ZBTB21: variants seen among roughly 807,000 people sequenced by gnomAD.
ZBTB21 encodes zinc finger and BTB domain containing 21.
Under a neutral mutation model 39.8 loss-of-function variants are expected in ZBTB21, and 10 were observed. That is an observed-to-expected ratio of 0.25 (90% CI 0.16 to 0.43). The LOEUF is 0.43. Ranked by LOEUF, ZBTB21 falls within the 20% of genes least tolerant of loss-of-function variation. ZBTB21 has a pLI of 1.00. For missense variants in ZBTB21, 1,221 were observed against 1,296.3 expected (o/e 0.94, Z 0.89); for synonymous variants, 551 against 498.8 (o/e 1.10, Z -1.40).
chr21:41,997,900 C>T (rs1269405937), intron 2 of ZBTB21, among the ~76,000 whole-genome samples: 1 of 151,974 alleles, frequency 6.6e-6, no homozygotes, highest in African/African-American at 2.4e-5. Context: ...TTGGGTGTTT[C>T]TGTTAGCCTC....
intron 1 of ZBTB21, among the ~76,000 whole-genome samples, chr21:42,008,823 C>T (rs141638360): frequency 8.5e-5 from 13 of 152,192 alleles, no homozygotes; most frequent in Non-Finnish European, 1.8e-4. Context: ...TAAACCAGCA[C>T]TTCAAATTTT....
At position 41,990,853 on chromosome 21, in the gene ZBTB21, A is replaced by G; in HGVS notation, c.*42T>C. 1.4e-6 allele frequency: 2 copies of G among 1,401,122 alleles called. No individual in the cohort carries two copies. Among genetic ancestry groups the G allele is most frequent in the East Asian group, 2.6e-5 (1 of 39,136 alleles). The allele number at this position is 1,401,122 out of a possible 1,614,324, so 86.8% of individuals were successfully genotyped here. ...ATGACACATTTCACAATTCAGGTTGAAATCTGGGGACTGCCTCCCATAGGT... is the reference window on the plus strand; with the variant it reads ...ATGACACATTTCACAATTCAGGTTGGAATCTGGGGACTGCCTCCCATAGGT... On this transcript the variant is annotated 3_prime_UTR_variant, in exon 3 of 3. Transcript: ENST00000310826.
In ZBTB21 at chr21:41,992,965, C is replaced by T; in HGVS notation, c.1131G>A (p.Leu377=). Residue 377 remains leucine, a synonymous_variant, in exon 3 of 3, where the codon TTG becomes TTA. Coordinates refer to ENST00000310826, the MANE Select transcript of ZBTB21 (RefSeq NM_001098402.2). This position sits in a 1 kb window ranked among gnomAD's most constrained non-coding sequence, Gnocchi z 4.1. ...AAGATGACTTCTGAGATAAAGCACA[C>T]AACACATTCCCTGGTGCATCACTGG... ...SVSSDAPGNV[L]CALSQKSSLK... is the part of the protein sequence containing the mutation. 6.2e-7 allele frequency: 1 copy of T among 1,614,196 alleles called. No homozygotes were observed. Among genetic ancestry groups the T allele is most frequent in the Non-Finnish European group, 8.5e-7 (1 of 1,180,036 alleles).
At chr21:42,007,784 C>G (rs2065898239) in intron 1 of ZBTB21, 1 of 152,242 alleles carries the variant, frequency 6.6e-6, no homozygotes, top group Admixed American at 6.5e-5. Context: ...AGAGAGAAAT[C>G]ATCAAACTTG....
intron 2 of ZBTB21, among the ~76,000 whole-genome samples, chr21:41,995,863 C>T (rs918507719): frequency 1.1e-4 from 16 of 152,214 alleles, no homozygotes; most frequent in Non-Finnish European, 2.4e-4. Context: ...CTGAAAGGGG[C>T]CAAGGTACAG....
At chr21:42,001,921 G>A (rs1436561157) in intron 2 of ZBTB21, among the ~76,000 whole-genome samples, 1 of 152,222 alleles carries the variant, frequency 6.6e-6, no homozygotes, top group Non-Finnish European at 1.5e-5. Context: ...CTGGGCTGCA[G>A]TACATGCAAC....
In ZBTB21 at chr21:41,991,042, C is replaced by T; in HGVS notation, c.3054G>A (p.Leu1018=). The T allele has an allele frequency of 6.3e-7, 1 of 1,586,058 alleles. No homozygotes were observed. The highest frequency in any genetic ancestry group is 8.6e-7 in the Non-Finnish European group (1 of 1,167,158). ...GGGTGTCTGATTCTTGGGGCACAAA[C>T]AGTTTTTCTGTGGCTGGAGTTGGGT... ...SENPTPATEK[L]FVPQESDTLF... is the part of the protein sequence containing the mutation. Residue 1018 remains leucine, a synonymous_variant, in exon 3 of 3, where the codon CTG becomes CTA. Transcript: ENST00000310826. The surrounding 1 kb of genome is among the most constrained non-coding windows in gnomAD (Gnocchi z 4.9).
At chr21:42,009,868 G>C (rs573456729) in intron 1 of ZBTB21, among the ~76,000 whole-genome samples, 1 of 152,154 alleles carries the variant, frequency 6.6e-6, no homozygotes, top group Non-Finnish European at 1.5e-5. Flanking sequence ...CCTTCTCCAC[G>C]AGGCGTTTCA....
At chr21:42,005,924 G>A (rs1038425678) in intron 1 of ZBTB21, among the ~76,000 whole-genome samples, 4 of 152,158 alleles carry the variant, frequency 2.6e-5, no homozygotes, top group East Asian at 1.9e-4. Context: ...GTGCTATATC[G>A]CTGGATGCAG....
At chr21:42,005,038 A>G (rs772692609) in intron 1 of ZBTB21, among the ~76,000 whole-genome samples, 6 of 152,192 alleles carry the variant, frequency 3.9e-5, no homozygotes, top group Non-Finnish European at 5.9e-5. Flanking sequence ...ATTCCATTTC[A>G]CCACACTTTC....
rs772491800 is a variant in ZBTB21 at position 41,991,423 on chromosome 21, G to C, written c.2673C>G (p.Pro891=). The C allele has an allele frequency of 6.2e-7, 1 of 1,611,984 alleles. No homozygotes were observed. The highest frequency in any genetic ancestry group is 8.5e-7 in the Non-Finnish European group (1 of 1,179,322). Residue 891 remains proline, a synonymous_variant, in exon 3 of 3, where the codon CCC becomes CCG. Transcript: ENST00000310826. This position sits in a 1 kb window ranked among gnomAD's most constrained non-coding sequence, Gnocchi z 4.9. ...EPVEEAEEEA[P]EASTAPKEAG... ...CTTCTTTGGGGGCTGTGCTGGCCTC[G>C]GGTGCCTCTTCTTCAGCCTCCTCCA... is the stretch of plus-strand genomic sequence containing the variant.
Position 41,992,241 on chromosome 21 carries a change from GGAATTTTTCATCCAAAACAGCATGT to G in ZBTB21, c.1830_1854del (p.His611LysfsTer4). On this transcript the variant is annotated frameshift_variant, in exon 3 of 3. Coordinates refer to ENST00000310826, the MANE Select transcript of ZBTB21 (RefSeq NM_001098402.2). LOFTEE classifies it high-confidence loss of function. This position sits in a 1 kb window ranked among gnomAD's most constrained non-coding sequence, Gnocchi z 4.1. ...CTCACTATGTCAATCAGCTTTCTTT[GGAATTTTTCATCCAAAACAGCATGT>G]GAACTAGAGGCTGGTGATGGGTTCT... The G allele has an allele frequency of 6.2e-7, 1 of 1,614,028 alleles. No homozygotes were observed. The highest frequency in any genetic ancestry group is 1.1e-5 in the South Asian group (1 of 91,068).
chr21:42,003,797 A>C (rs931644151), intron 1 of ZBTB21, among the ~76,000 whole-genome samples: 2 of 152,158 alleles, frequency 1.3e-5, no homozygotes, highest in African/African-American at 4.8e-5. Context: ...CATTCTTTAC[A>C]TTTCTACTAT....
At chr21:41,995,394 CAA>C (rs2065732630) in intron 2 of ZBTB21, among the ~76,000 whole-genome samples, 1 of 152,144 alleles carries the variant, frequency 6.6e-6, no homozygotes, top group South Asian at 2.1e-4. Context: ...TATGTTTTAG[CAA>C]AGAGACTGGT....
rs2065616776 is a variant in ZBTB21 at position 41,989,109 on chromosome 21, A to C, written c.*1786T>G. 1.3e-5 allele frequency: 2 copies of C among 152,178 alleles called. No individual in the cohort carries two copies. The highest frequency in any genetic ancestry group is 4.1e-4 in the South Asian group (2 of 4,836). The allele number at this position is 152,178 out of a possible 1,614,324, so 9.4% of individuals were successfully genotyped here. A position where few individuals can be genotyped will look rare whatever the true frequency, so the allele number is the denominator to read the frequency against. On this transcript the variant is annotated 3_prime_UTR_variant, in exon 3 of 3. Transcript: ENST00000310826. ...AAAACAAAGATGGCAAGAATCAATA[A>C]CTGCAATTTATTTTCCCTTCTCCAT...
intron 1 of ZBTB21, among the ~76,000 whole-genome samples, chr21:42,005,971 A>C (rs549499451): frequency 6.6e-6 from 1 of 152,254 alleles, no homozygotes; most frequent in Non-Finnish European, 1.5e-5. Context: ...CCTTGATGGA[A>C]TATTTCAGCT....
At position 41,992,173 on chromosome 21, in the gene ZBTB21, G is replaced by C. The variant is rs370748882; in HGVS notation, c.1923C>G (p.Arg641=). The change falls in exon 3 of 3, where the codon CGC becomes CGG. Residue 641 remains arginine, a synonymous_variant. Coordinates refer to ENST00000310826, the MANE Select transcript of ZBTB21 (RefSeq NM_001098402.2). The surrounding 1 kb of genome is among the most constrained non-coding windows in gnomAD (Gnocchi z 4.1). ...TCTGTCCCTGAAAACCAGGCTTGCC[G>C]CGCCTTAACTTAATGATCAGGGCCT... ...IKKALIIKLR[R]GKPGFQGQSS... is the part of the protein sequence containing the mutation. 6.2e-7 allele frequency: 1 copy of C among 1,614,166 alleles called. No individual in the cohort carries two copies. Among genetic ancestry groups the C allele is most frequent in the Admixed American group, 1.7e-5 (1 of 60,026 alleles).
Position 41,991,096 on chromosome 21 carries a change from C to G in ZBTB21, c.3000G>C (p.Glu1000Asp). Residue 1000 changes from glutamate to aspartate, a missense_variant, in exon 3 of 3, where the codon GAG becomes GAC. Glu to Asp is a conservative substitution (Grantham distance 45). This residue lies in a region of ZBTB21 where 523 missense variants were observed against 542.5 expected (regional missense o/e 0.96). Coordinates refer to ENST00000310826, the MANE Select transcript of ZBTB21 (RefSeq NM_001098402.2). This position sits in a 1 kb window ranked among gnomAD's most constrained non-coding sequence, Gnocchi z 4.9. ...PPPLPKIQPL[E>D]PDSPTGLSEN... ...CGGACAGGCCTGTGGGGCTGTCAGG[C>G]TCCAGAGGCTGGATCTTGGGCAGTG... is the stretch of plus-strand genomic sequence containing the variant. The G allele has an allele frequency of 6.2e-7, 1 of 1,612,014 alleles. No homozygotes were observed. The highest frequency in any genetic ancestry group is 8.5e-7 in the Non-Finnish European group (1 of 1,178,960).
At chr21:41,995,578 C>T (rs2065735193) in intron 2 of ZBTB21, among the ~76,000 whole-genome samples, 1 of 152,206 alleles carries the variant, frequency 6.6e-6, no homozygotes, top group Non-Finnish European at 1.5e-5. Context: ...GGAGAAGTTG[C>T]TGCCTGACAG....
Sources: gnomAD v4.1 joint callset for allele counts (sites outside exome capture counted in the v4.1 genomes callset) on GRCh38, gnomAD v4.1.1 for gene constraint, gnomAD v4.1.1 regional missense constraint, Gnocchi (gnomAD v3.1) non-coding constraint, MANE v1.5 for transcripts, NCBI Gene and HGNC (gene_info 2026-07-23, HGNC 2026-07-21) for gene names.